The following WDPCP variants were observed in gnomAD, a reference collection of about 807,000 sequenced individuals.
The protein encoded by WDPCP is WD repeat containing planar cell polarity effector.
Under a neutral mutation model 93.1 loss-of-function variants are expected in WDPCP, and 71 were observed. The ratio of observed to expected loss-of-function variants is 0.76; its 90% CI spans 0.63 to 0.93. The LOEUF is 0.93. Ranked by LOEUF, WDPCP falls within the 40% of genes least tolerant of loss-of-function variation. WDPCP has a pLI of 0.00. For synonymous variants in WDPCP, 315 were observed against 315.0 expected (o/e 1.00, Z 0.00); for missense variants, 844 against 887.4 (o/e 0.95, Z 0.62).
intron 3 of WDPCP, among the ~76,000 whole-genome samples, chr2:63,636,452 C>T (rs774169752): frequency 6.6e-6 from 1 of 152,010 alleles, no homozygotes; most frequent in Admixed American, 6.5e-5. Context: ...TTTTTTGACA[C>T]AGATTCTCAC....
rs1249210959 is a variant in WDPCP at position 63,215,762 on chromosome 2, G to A, written c.1916-40930C>T. ...GCACAGCAAAAGAAACTACCATCAG[G>A]GTGAACAGGCAACCTACAGAATGGG... is the stretch of plus-strand genomic sequence containing the variant. On this transcript the variant is annotated intron_variant, in intron 14 of 17. Coordinates refer to ENST00000272321, the MANE Select transcript of WDPCP (RefSeq NM_015910.7). 2.0e-5 allele frequency among the ~76,000 whole-genome samples: 3 copies of A among 151,904 alleles called. No individual in the cohort carries two copies. In the East Asian group the frequency reaches 5.8e-4, roughly 29 times the overall value.
chr2:63,720,598 A>G (rs1345079447), intron 2 of WDPCP, among the ~76,000 whole-genome samples: 1 of 152,090 alleles, frequency 6.6e-6, no homozygotes, highest in African/African-American at 2.4e-5. Context: ...TTTCCTACAT[A>G]GAAAATAACA....
intron 11 of WDPCP, among the ~76,000 whole-genome samples, chr2:63,379,198 TA>T (rs1669121866): frequency 6.6e-6 from 1 of 152,124 alleles, no homozygotes; most frequent in Non-Finnish European, 1.5e-5. Context: ...CTCATGGGAC[TA>T]GGTTTTTTCC....
At chr2:63,266,031 T>A (rs1163262553) in intron 13 of WDPCP, among the ~76,000 whole-genome samples, 1 of 152,154 alleles carries the variant, frequency 6.6e-6, no homozygotes, top group Non-Finnish European at 1.5e-5. Context: ...CCATATATGA[T>A]AAGCCCACAG....
chr2:63,834,631 A>AGAG, the WDPCP span, among the ~76,000 whole-genome samples: 1 of 152,224 alleles, frequency 6.6e-6, no homozygotes, highest in Non-Finnish European at 1.5e-5. Flanking sequence ...AAGGTGGCCA[A>AGAG]GAGGAGCAGC....
intron 2 of WDPCP, among the ~76,000 whole-genome samples, chr2:63,700,256 C>T (rs1170978303): frequency 4.9e-5 from 6 of 123,580 alleles, no homozygotes; most frequent in African/African-American, 2.0e-4. Flanking sequence ...GTACTGCAGC[C>T]TGGGTGACAG....
chr2:63,757,135 G>A (rs1234602578), intron 2 of WDPCP, among the ~76,000 whole-genome samples: 1 of 152,122 alleles, frequency 6.6e-6, no homozygotes, highest in Admixed American at 6.6e-5. Flanking sequence ...GTCCACTTTA[G>A]ATTCAGTCAA....
chr2:63,743,934 A>G (rs1669759886), intron 2 of WDPCP, among the ~76,000 whole-genome samples: 1 of 152,158 alleles, frequency 6.6e-6, no homozygotes, highest in African/African-American at 2.4e-5. Flanking sequence ...AGCAGTACTA[A>G]TTAAAGTGTA....
chr2:63,266,403 T>C (rs2699392), intron 13 of WDPCP, among the ~76,000 whole-genome samples: 18,459 of 152,158 alleles, frequency 0.12, 1,306 homozygotes, highest in African/African-American at 0.18. Flanking sequence ...CCATTTATAC[T>C]AGCACCAAAA....
the WDPCP span, among the ~76,000 whole-genome samples, chr2:63,835,389 C>CA: frequency 0.027 from 1,082 of 40,822 alleles, 15 homozygotes; most frequent in African/African-American, 0.051. Context: ...GACTCCATCT[C>CA]AAAAAAAAAA....
intron 6 of WDPCP, among the ~76,000 whole-genome samples, chr2:63,479,411 G>C (rs1456547860): frequency 6.6e-6 from 1 of 152,056 alleles, no homozygotes; most frequent in Non-Finnish European, 1.5e-5. Context: ...CAATATTCCT[G>C]ATGAATATAG....
At chr2:63,326,716 CAGAG>C (rs1157243714) in intron 12 of WDPCP, among the ~76,000 whole-genome samples, 2 of 149,586 alleles carry the variant, frequency 1.3e-5, no homozygotes, top group South Asian at 2.1e-4. Flanking sequence ...GACAGAAAGT[CAGAG>C]AGAGAGAGGA....
At chr2:63,211,475 A>T (rs1301696740) in intron 14 of WDPCP, among the ~76,000 whole-genome samples, 2 of 152,230 alleles carry the variant, frequency 1.3e-5, no homozygotes, top group African/African-American at 2.4e-5. Context: ...AACATCATCA[A>T]ATACCAAAGG....
intron 12 of WDPCP, among the ~76,000 whole-genome samples, chr2:63,376,146 T>C (rs1190783743): frequency 1.3e-5 from 2 of 151,990 alleles, no homozygotes; most frequent in South Asian, 2.1e-4. Flanking sequence ...AGCTATCTCA[T>C]TTAATTTCTT....
intron 2 of WDPCP, among the ~76,000 whole-genome samples, chr2:63,731,184 A>C (rs1239231548): frequency 6.6e-6 from 1 of 151,206 alleles, no homozygotes; most frequent in Non-Finnish European, 1.5e-5. Flanking sequence ...CAGGAGAATC[A>C]CTTGAATCCG....
intron 13 of WDPCP, among the ~76,000 whole-genome samples, chr2:63,271,262 C>G (rs1012170864): frequency 6.6e-6 from 1 of 152,250 alleles, no homozygotes; most frequent in Non-Finnish European, 1.5e-5. Context: ...CCAATGTGCA[C>G]TTGCACATAC....
intron 12 of WDPCP, among the ~76,000 whole-genome samples, chr2:63,375,116 A>G (rs1691739739): frequency 6.6e-6 from 1 of 152,118 alleles, no homozygotes; most frequent in Admixed American, 6.6e-5. Context: ...ATAATACATT[A>G]TATTTCCATG....
intron 2 of WDPCP, among the ~76,000 whole-genome samples, chr2:63,711,779 A>T (rs776761986): frequency 3.9e-5 from 6 of 152,192 alleles, no homozygotes; most frequent in South Asian, 2.1e-4. Context: ...ACCGACAAAC[A>T]AACAAAACAG....
At chr2:63,171,538 T>A (rs1417958532) in intron 15 of WDPCP, among the ~76,000 whole-genome samples, 1 of 152,200 alleles carries the variant, frequency 6.6e-6, no homozygotes, top group Non-Finnish European at 1.5e-5. Context: ...ATATTAAATA[T>A]TGGTGAGGAT....
Sources: gnomAD v4.1 joint callset for allele counts (sites outside exome capture counted in the v4.1 genomes callset) on GRCh38, gnomAD v4.1.1 for gene constraint, MANE v1.5 for transcripts, NCBI Gene and HGNC (gene_info 2026-07-23, HGNC 2026-07-21) for gene names.